Variants in TSPAN15 observed in about 807,000 individuals in gnomAD.
TSPAN15 encodes tetraspanin-15.
In TSPAN15, 20 loss-of-function variants were observed where a neutral mutation model predicts 34.5. The ratio of observed to expected loss-of-function variants is 0.58; its 90% CI spans 0.41 to 0.84. TSPAN15 has a LOEUF of 0.84. Among genes scored for constraint, TSPAN15 ranks in the 40% least tolerant of loss-of-function variants. The pLI, the probability that TSPAN15 is intolerant of heterozygous loss-of-function variation, is 0.00. For synonymous variants in TSPAN15, 155 were observed against 153.9 expected, an observed-to-expected ratio of 1.01 and a Z score of -0.05; for missense variants, 313 against 386.1, an observed-to-expected ratio of 0.81 and a Z score of 1.59.
the TSPAN15 span, among the ~76,000 whole-genome samples, chr10:69,513,778 A>G: frequency 3.3e-5 from 5 of 152,252 alleles, no homozygotes; most frequent in African/African-American, 1.2e-4. Flanking sequence ...TACGCATCAA[A>G]GTTAATCTGT....
the TSPAN15 span, among the ~76,000 whole-genome samples, chr10:69,544,574 G>A: frequency 1.3e-5 from 2 of 152,218 alleles, no homozygotes; most frequent in South Asian, 2.1e-4. Context: ...AGTGGGTGTG[G>A]CGGCTTCACG....
At chr10:69,475,265 G>A (rs929852333) in intron 1 of TSPAN15, among the ~76,000 whole-genome samples, 1 of 152,084 alleles carries the variant, frequency 6.6e-6, no homozygotes, top group Admixed American at 6.5e-5. Context: ...TGGGATCATC[G>A]CAGAGTTCCT....
intron 1 of TSPAN15, among the ~76,000 whole-genome samples, chr10:69,479,134 G>A (rs1168274852): frequency 6.6e-6 from 1 of 152,210 alleles, no homozygotes; most frequent in Non-Finnish European, 1.5e-5. Context: ...GTAATACAGG[G>A]CCTGGAACAC....
chr10:69,482,385 C>T (rs1214876557), intron 1 of TSPAN15, among the ~76,000 whole-genome samples: 1 of 152,210 alleles, frequency 6.6e-6, no homozygotes, highest in Non-Finnish European at 1.5e-5. Context: ...TGGAAAGTTA[C>T]AGGGTGTTCT....
chr10:69,514,177 T>C, the TSPAN15 span, among the ~76,000 whole-genome samples: 1 of 152,258 alleles, frequency 6.6e-6, no homozygotes, highest in Non-Finnish European at 1.5e-5. Context: ...GTGAATTTCA[T>C]TCATTTTCAC....
the TSPAN15 span, chr10:69,523,561 G>A: frequency 2.6e-6 from 1 of 386,430 alleles, no homozygotes; most frequent in Non-Finnish European, 4.9e-6. Flanking sequence ...TGGGAATTGG[G>A]TGTCATGTAC....
intron 1 of TSPAN15, among the ~76,000 whole-genome samples, chr10:69,460,910 A>C (rs1841238716): frequency 6.6e-6 from 1 of 152,056 alleles, no homozygotes; most frequent in African/African-American, 2.4e-5. Context: ...GAGGAGGATG[A>C]GCACTTCTTG....
At chr10:69,495,441 A>T (rs1439647820) in intron 3 of TSPAN15, 153 bp from the exon 4 acceptor site, 1 of 617,132 alleles carries the variant, frequency 1.6e-6, no homozygotes, top group Non-Finnish European at 2.9e-6. Flanking sequence ...GGTCACGGGC[A>T]TCCAGGGTGG....
At chr10:69,468,116 G>T (rs1270963177) in intron 1 of TSPAN15, among the ~76,000 whole-genome samples, 1 of 123,500 alleles carries the variant, frequency 8.1e-6, no homozygotes, top group Admixed American at 8.2e-5. Flanking sequence ...TCCAGCCCCC[G>T]CCCCCCTCCC....
chr10:69,492,734 C>T (rs1841994614), intron 3 of TSPAN15, among the ~76,000 whole-genome samples: 1 of 152,228 alleles, frequency 6.6e-6, no homozygotes, highest in Non-Finnish European at 1.5e-5. Flanking sequence ...CACAGAGCAG[C>T]CTCTACTCTG....
chr10:69,503,229 C>T (rs1400047266), intron 5 of TSPAN15, among the ~76,000 whole-genome samples: 2 of 152,178 alleles, frequency 1.3e-5, no homozygotes, highest in Non-Finnish European at 2.9e-5. Context: ...CTTGCCTGCA[C>T]ATCAAGCCCT....
chr10:69,496,934 T>C (rs984560129), intron 4 of TSPAN15, among the ~76,000 whole-genome samples: 2 of 152,130 alleles, frequency 1.3e-5, no homozygotes, highest in African/African-American at 4.8e-5. Context: ...GGCATAGAGG[T>C]AGGAGGTGAT....
chr10:69,542,670 C>T, the TSPAN15 span, among the ~76,000 whole-genome samples: 2 of 152,118 alleles, frequency 1.3e-5, 1 homozygote, highest in South Asian at 4.2e-4. Context: ...GCCGGTGTGG[C>T]AGGGGGGAGC....
the TSPAN15 span, among the ~76,000 whole-genome samples, chr10:69,547,747 A>G: frequency 2.0e-5 from 3 of 151,950 alleles, no homozygotes. Context: ...GACCTTAGAG[A>G]CTCCAAGAAC....
rs573261400 is a variant in TSPAN15, at chr10:69,493,115, C to T, written c.358-2479C>T. Among the ~76,000 whole-genome samples, 5 of 152,376 alleles carry T rather than the reference C, an allele frequency of 3.3e-5. No homozygotes were observed. The East Asian group carries it at 9.6e-4, about 29-fold the overall frequency. On this transcript the variant is annotated intron_variant, in intron 3 of 7. Coordinates refer to ENST00000373290, the MANE Select transcript of TSPAN15 (RefSeq NM_012339.5). ...TTAGGCACCCCCAACCACACCCCAG[C>T]CAGCTGGCCTGTCCCTTCATCACCC...
intron 4 of TSPAN15, among the ~76,000 whole-genome samples, chr10:69,497,970 G>A (rs189203936): frequency 2.6e-5 from 4 of 152,282 alleles, no homozygotes; most frequent in Admixed American, 2.6e-4. Context: ...TTGGGGACAC[G>A]AAGATGAAGA....
intron 1 of TSPAN15, among the ~76,000 whole-genome samples, chr10:69,468,485 C>T (rs946244624): frequency 6.6e-6 from 1 of 151,244 alleles, no homozygotes; most frequent in Non-Finnish European, 1.5e-5. Context: ...CTAATCAATA[C>T]TTTCTGTATC....
chr10:69,470,576 G>T (rs756854373), intron 1 of TSPAN15, among the ~76,000 whole-genome samples: 1 of 152,096 alleles, frequency 6.6e-6, no homozygotes, highest in Non-Finnish European at 1.5e-5. Context: ...GCATCTCCCA[G>T]TCTCTTGGCA....
chr10:69,492,309 A>T (rs1220984372), intron 3 of TSPAN15, among the ~76,000 whole-genome samples: 1 of 152,036 alleles, frequency 6.6e-6, no homozygotes, highest in Non-Finnish European at 1.5e-5. Flanking sequence ...TTACAGTTAA[A>T]CTGCACAGCC....
Sources: allele counts gnomAD v4.1 joint callset (sites outside exome capture counted in the v4.1 genomes callset), GRCh38; gene constraint gnomAD v4.1.1; transcripts MANE v1.5; gene names NCBI Gene and HGNC (gene_info 2026-07-23, HGNC 2026-07-21).